Variants in ATL1 observed in about 807,000 individuals in gnomAD.
The protein encoded by ATL1 is atlastin GTPase 1.
ATL1 carries 31 observed loss-of-function variants against 75.5 expected under a neutral mutation model. The observed-to-expected ratio is 0.41, with a 90% CI of 0.31 to 0.55. The LOEUF (loss-of-function observed/expected upper bound fraction) is 0.55. Ranked by LOEUF, ATL1 falls within the 20% of genes least tolerant of loss-of-function variation. ATL1 has a pLI of 0.27. For synonymous variants in ATL1, 226 were observed against 233.3 expected, an observed-to-expected ratio of 0.97 and a Z score of 0.28; for missense variants, 405 against 662.6, an observed-to-expected ratio of 0.61 and a Z score of 4.27.
At chr14:50,576,797 G>C (rs2039009664) in intron 1 of ATL1, among the ~76,000 whole-genome samples, 2 of 151,986 alleles carry the variant, frequency 1.3e-5, no homozygotes, top group Non-Finnish European at 2.9e-5. Context: ...GGCTTGTCTC[G>C]AACTCCAGAG....
chr14:50,542,676 T>C (rs1038387956), intron 1 of ATL1: 2 of 152,132 alleles, frequency 1.3e-5, no homozygotes, highest in Non-Finnish European at 2.9e-5. Context: ...CCATTATCTA[T>C]AGGCTCATAG....
intron 1 of ATL1, among the ~76,000 whole-genome samples, chr14:50,573,521 T>C (rs2038973858): frequency 6.6e-6 from 1 of 152,220 alleles, no homozygotes. Context: ...GCTTTGAACT[T>C]GGTTGAAATT....
At chr14:50,571,869 C>T (rs577368235) in intron 1 of ATL1, 1 of 188,040 alleles carries the variant, frequency 5.3e-6, no homozygotes, top group Non-Finnish European at 1.1e-5. Context: ...TTAACAGGCC[C>T]TTTGGAGAGG....
At chr14:50,548,570 C>T (rs142747136) in intron 1 of ATL1, among the ~76,000 whole-genome samples, 12 of 152,194 alleles carry the variant, frequency 7.9e-5, no homozygotes, top group African/African-American at 1.7e-4. Flanking sequence ...AGTGCAGTGG[C>T]GTGATCTCGG....
chr14:50,597,046 C>T (rs1253157545), intron 6 of ATL1, among the ~76,000 whole-genome samples: 1 of 151,566 alleles, frequency 6.6e-6, no homozygotes, highest in Non-Finnish European at 1.5e-5. Flanking sequence ...CCCGTCTCTA[C>T]TAAAAATACA....
At chr14:50,554,813 C>A (rs751926766) in intron 1 of ATL1, among the ~76,000 whole-genome samples, 3 of 152,152 alleles carry the variant, frequency 2.0e-5, no homozygotes, top group Non-Finnish European at 2.9e-5. Context: ...ACTCGCTGGG[C>A]TGGACTCGTC....
Position 50,595,452 on chromosome 14 carries a change from C to T in ATL1, c.574-124C>T, listed in dbSNP as rs570071580. ...ATTAGAATCTTCTTAATGTAATATT[C>T]TGTTATACCTAGAGGGAAAAGTAAA... On this transcript the variant is annotated intron_variant, in intron 5 of 13. Coordinates refer to ENST00000358385, the MANE Select transcript of ATL1 (RefSeq NM_015915.5). 1.8e-4 allele frequency: 143 copies of T among 815,560 alleles called. 2 individuals carry two copies. The South Asian group carries it at 2.0e-3, about 11-fold the overall frequency. The allele number at this position is 815,560 out of a possible 1,614,324, so 50.5% of individuals were successfully genotyped here. A position where few individuals can be genotyped will look rare whatever the true frequency, so the allele number is the denominator to read the frequency against.
intron 1 of ATL1, among the ~76,000 whole-genome samples, chr14:50,545,420 G>T (rs569403555): frequency 6.6e-6 from 1 of 152,194 alleles, no homozygotes; most frequent in South Asian, 2.1e-4. Flanking sequence ...TCAGGAAGGG[G>T]TGTCTGCAGT....
At chr14:50,559,057 T>C (rs745714461), upstream of ATL1, 11 of 152,190 alleles carry the variant, frequency 7.2e-5, no homozygotes, top group Non-Finnish European at 1.2e-4. Flanking sequence ...TAAACACACC[T>C]CTGGTATAAT....
At chr14:50,631,983 A>T (rs184577849) in intron 13 of ATL1, 1 of 324,220 alleles carries the variant, frequency 3.1e-6, no homozygotes, top group Non-Finnish European at 5.7e-6. Flanking sequence ...AGAGGTATGC[A>T]AGGTAAAAGG....
At chr14:50,548,805 C>T (rs1018151303) in intron 1 of ATL1, among the ~76,000 whole-genome samples, 9 of 152,088 alleles carry the variant, frequency 5.9e-5, no homozygotes, top group Non-Finnish European at 8.8e-5. Context: ...CCACTGCACC[C>T]GGCCTGGTCT....
intron 6 of ATL1, among the ~76,000 whole-genome samples, chr14:50,605,778 T>C (rs1261010421): frequency 6.6e-6 from 1 of 152,100 alleles, no homozygotes; most frequent in Non-Finnish European, 1.5e-5. Context: ...CCTGAAGGTC[T>C]AACAATTAAG....
chr14:50,571,946 A>AT, intron 1 of ATL1: 1 of 385,408 alleles, frequency 2.6e-6, no homozygotes, highest in Non-Finnish European at 4.9e-6. Context: ...TGATGGTACT[A>AT]TTTCCTTGCA....
At chr14:50,615,287 T>C (rs758638855) in intron 8 of ATL1, among the ~76,000 whole-genome samples, 10 of 152,232 alleles carry the variant, frequency 6.6e-5, no homozygotes, top group Non-Finnish European at 1.2e-4. Flanking sequence ...AATTCAGACA[T>C]TTGTTTAATT....
intron 12 of ATL1, among the ~76,000 whole-genome samples, chr14:50,629,600 AC>A: frequency 6.6e-6 from 1 of 151,314 alleles, no homozygotes; most frequent in South Asian, 2.1e-4. Context: ...AAAAAAAAAA[AC>A]CCTACTTATA....
chr14:50,621,042 T>A (rs1212281913), intron 9 of ATL1, among the ~76,000 whole-genome samples: 3 of 152,218 alleles, frequency 2.0e-5, no homozygotes, highest in Non-Finnish European at 2.9e-5. Context: ...CCAGGGTCCA[T>A]GGTCTATTCT....
At chr14:50,621,223 A>G (rs1040319827) in intron 9 of ATL1, among the ~76,000 whole-genome samples, 8 of 152,366 alleles carry the variant, frequency 5.3e-5, no homozygotes, top group African/African-American at 1.9e-4. Context: ...ACTTTTTACC[A>G]GCACTGAATA....
intron 1 of ATL1, among the ~76,000 whole-genome samples, chr14:50,546,383 T>C (rs1202964444): frequency 1.3e-5 from 2 of 151,554 alleles, no homozygotes; most frequent in South Asian, 2.2e-4. Flanking sequence ...TGTGTGTGCG[T>C]GTGTGTGTGT....
intron 12 of ATL1, chr14:50,628,688 A>G (rs1030121292): frequency 1.0e-5 from 7 of 689,996 alleles, no homozygotes; most frequent in Non-Finnish European, 1.9e-5. Context: ...TTAAAAAAAT[A>G]TACATCAGTT....
Sources: allele counts gnomAD v4.1 joint callset (sites outside exome capture counted in the v4.1 genomes callset), GRCh38; gene constraint gnomAD v4.1.1; transcripts MANE v1.5; gene names NCBI Gene and HGNC (gene_info 2026-07-23, HGNC 2026-07-21).